Variants in WWOX observed in about 807,000 individuals in gnomAD.
WWOX encodes the protein WW domain containing oxidoreductase.
In WWOX, 69 loss-of-function variants were observed where a neutral mutation model predicts 46.2. The observed-to-expected ratio is 1.49, with a 90% CI of 1.23 to 1.82. The LOEUF (loss-of-function observed/expected upper bound fraction) is 1.82, where lower values mean the gene tolerates loss of function less well. Ranked by LOEUF, WWOX falls within the 40% of genes most tolerant of loss-of-function variation. WWOX has a pLI of 0.00. For synonymous variants in WWOX, 359 were observed against 202.6 expected, an observed-to-expected ratio of 1.77 and a Z score of -6.56; for missense variants, 919 against 542.6, an observed-to-expected ratio of 1.69 and a Z score of -6.89.
intron 8 of WWOX, among the ~76,000 whole-genome samples, chr16:79,096,268 A>T (rs2049070665): frequency 6.6e-6 from 1 of 151,632 alleles, no homozygotes; most frequent in South Asian, 2.1e-4. Context: ...AATATGTTAG[A>T]TCACCTCTTT....
intron 6 of WWOX, among the ~76,000 whole-genome samples, chr16:78,409,246 C>A (rs1200900790): frequency 6.6e-6 from 1 of 151,796 alleles, no homozygotes; most frequent in Non-Finnish European, 1.5e-5. Flanking sequence ...TAGCACTGTA[C>A]AATAAAAGGG....
chr16:78,593,644 CA>C (rs2045403736), intron 8 of WWOX, among the ~76,000 whole-genome samples: 1 of 152,048 alleles, frequency 6.6e-6, no homozygotes, highest in South Asian at 2.1e-4. Context: ...TGCATAACTT[CA>C]CCACACACAG....
At chr16:78,648,785 T>C (rs1362011667) in intron 8 of WWOX, among the ~76,000 whole-genome samples, 1 of 152,214 alleles carries the variant, frequency 6.6e-6, no homozygotes, top group Non-Finnish European at 1.5e-5. Context: ...CCTTTGAGCC[T>C]CTGCCAAACA....
chr16:78,370,142 A>C (rs1317606041), intron 5 of WWOX, among the ~76,000 whole-genome samples: 4 of 151,458 alleles, frequency 2.6e-5, no homozygotes, highest in African/African-American at 4.9e-5. Context: ...AAAAAAAAAA[A>C]AAAAAAAAGG....
chr16:78,110,360 A>G (rs973634254), intron 3 of WWOX, among the ~76,000 whole-genome samples: 112 of 148,074 alleles, frequency 7.6e-4, no homozygotes, highest in Admixed American at 1.6e-3. Context: ...AAAAAAAAAA[A>G]AGAGGGAATG....
At chr16:78,987,049 T>TAA (rs2046797406) in intron 8 of WWOX, among the ~76,000 whole-genome samples, 1 of 152,150 alleles carries the variant, frequency 6.6e-6, no homozygotes, top group Admixed American at 6.5e-5. Context: ...AGGGCTTTCT[T>TAA]AAAGGACACA....
intron 8 of WWOX, among the ~76,000 whole-genome samples, chr16:78,651,073 G>C (rs180949790): frequency 6.6e-6 from 1 of 152,374 alleles, no homozygotes; most frequent in East Asian, 1.9e-4. Flanking sequence ...CTGTTCAACT[G>C]TTGTATTCAC....
chr16:78,782,574 C>T (rs1198298472), intron 8 of WWOX, among the ~76,000 whole-genome samples: 1 of 152,110 alleles, frequency 6.6e-6, no homozygotes, highest in African/African-American at 2.4e-5. Context: ...TTCCGTCCAC[C>T]AGCCAAAGAG....
chr16:79,022,372 G>A (rs1351561782), intron 8 of WWOX, among the ~76,000 whole-genome samples: 2 of 132,718 alleles, frequency 1.5e-5, no homozygotes, highest in African/African-American at 2.9e-5. Flanking sequence ...AAAAAGTCCC[G>A]CTTGTTATCA....
At chr16:78,801,626 A>G (rs1306699155) in intron 8 of WWOX, among the ~76,000 whole-genome samples, 1 of 152,098 alleles carries the variant, frequency 6.6e-6, no homozygotes, top group African/African-American at 2.4e-5. Flanking sequence ...CACATTAACA[A>G]TTTCTCTCCT....
intron 8 of WWOX, among the ~76,000 whole-genome samples, chr16:78,485,421 T>C (rs2084607970): frequency 6.6e-6 from 1 of 152,180 alleles, no homozygotes; most frequent in Non-Finnish European, 1.5e-5. Context: ...TTTCAGACTC[T>C]TTCCCCCTCA....
chr16:78,216,657 C>G (rs191346815), intron 5 of WWOX, among the ~76,000 whole-genome samples: 1 of 149,708 alleles, frequency 6.7e-6, no homozygotes, highest in Non-Finnish European at 1.5e-5. Flanking sequence ...TCTTCTCCTG[C>G]TTTTTTTTTT....
chr16:78,448,569 T>A (rs1217649191), intron 8 of WWOX, among the ~76,000 whole-genome samples: 1 of 152,042 alleles, frequency 6.6e-6, no homozygotes, highest in Non-Finnish European at 1.5e-5. Context: ...GAAAGTAGTG[T>A]CAAGCAGTAC....
chr16:78,256,149 C>CAA lies in WWOX; in HGVS notation c.516+91884_516+91885dup, dbSNP rs10557567. 2.8e-3 allele frequency among the ~76,000 whole-genome samples: 182 copies of CAA among 65,306 alleles called. 2 individuals are homozygous for CAA. Among genetic ancestry groups the CAA allele is most frequent in the Non-Finnish European group, 3.7e-3 (134 of 35,768 alleles). 42.8% of individuals were successfully genotyped at this position (65,306 alleles called of 152,430 possible). A position where few individuals can be genotyped will look rare whatever the true frequency, so the allele number is the denominator to read the frequency against. On this transcript the variant is annotated intron_variant, in intron 5 of 8. Coordinates refer to ENST00000566780, the MANE Select transcript of WWOX (RefSeq NM_016373.4). ...TGGGCGACAGAGCAAGACTCCATCT[C>CAA]AAAAAAAAAAAAAAAAAAAAAAAAA...
At chr16:79,129,985 A>C (rs1050301865) in intron 8 of WWOX, among the ~76,000 whole-genome samples, 5 of 152,208 alleles carry the variant, frequency 3.3e-5, no homozygotes, top group African/African-American at 1.2e-4. Context: ...TGTAAAATAG[A>C]GGTAATAAAA....
intron 8 of WWOX, among the ~76,000 whole-genome samples, chr16:78,835,702 C>A (rs955407041): frequency 5.9e-5 from 9 of 152,212 alleles, no homozygotes; most frequent in Non-Finnish European, 1.0e-4. Flanking sequence ...CTGTGCTAAT[C>A]TGACCTCGTG....
intron 8 of WWOX, among the ~76,000 whole-genome samples, chr16:78,817,917 GGAGACTCT>G (rs1409509762): frequency 6.6e-6 from 1 of 152,174 alleles, no homozygotes; most frequent in African/African-American, 2.4e-5. Context: ...TTTCCAGGAA[GGAGACTCT>G]GAGTGCAAGT....
At chr16:79,051,509 A>T (rs181875848) in intron 8 of WWOX, among the ~76,000 whole-genome samples, 2 of 128,804 alleles carry the variant, frequency 1.6e-5, no homozygotes, top group Admixed American at 1.9e-4. Flanking sequence ...ATTGGCTACA[A>T]CTCAGTCACA....
chr16:78,155,342 C>T (rs750376583), intron 4 of WWOX, among the ~76,000 whole-genome samples: 2 of 152,136 alleles, frequency 1.3e-5, no homozygotes, highest in Non-Finnish European at 2.9e-5. Context: ...CTTGACTTGT[C>T]CTCTGATCAT....
Sources: gnomAD v4.1 joint callset for allele counts (sites outside exome capture counted in the v4.1 genomes callset) on GRCh38, gnomAD v4.1.1 for gene constraint, MANE v1.5 for transcripts, NCBI Gene and HGNC (gene_info 2026-07-23, HGNC 2026-07-21) for gene names.